Variants in NLRP9 observed in about 807,000 individuals in gnomAD.
The protein encoded by NLRP9 is NLR family pyrin domain containing 9, also known as NACHT, LRR and PYD domains-containing protein 9.
Under a neutral mutation model 83.1 loss-of-function variants are expected in NLRP9, and 88 were observed. The ratio of observed to expected loss-of-function variants is 1.06; its 90% CI spans 0.89 to 1.26. The LOEUF (loss-of-function observed/expected upper bound fraction) is 1.26. NLRP9 is among the 50% of genes most tolerant of loss of function. The pLI is 0.00. For missense variants in NLRP9, 1,308 were observed against 1,179.3 expected, an observed-to-expected ratio of 1.11 and a Z score of -1.60; for synonymous variants, 521 against 447.6, an observed-to-expected ratio of 1.16 and a Z score of -2.07.
chr19:55,725,749 G>A (rs191335617), intron 3 of NLRP9, among the ~76,000 whole-genome samples: 16 of 152,290 alleles, frequency 1.1e-4, no homozygotes, highest in African/African-American at 2.6e-4. Flanking sequence ...AACCCAGGCC[G>A]GGCGCGGTGG....
In NLRP9 at chr19:55,732,699, C is replaced by T; in HGVS notation, c.1132G>A (p.Ala378Thr). 6.2e-7 allele frequency: 1 copy of T among 1,614,128 alleles called. No individual in the cohort carries two copies. Among genetic ancestry groups the T allele is most frequent in the Non-Finnish European group, 8.5e-7 (1 of 1,180,036 alleles). Reference sequence around the variant, plus strand: ...TTAGGTGGAAAACTCTGACTTCCTGCTTTGAATACAGTTGTTAAAAAGGAT... The same window carrying T: ...TTAGGTGGAAAACTCTGACTTCCTGTTTTGAATACAGTTGTTAAAAAGGAT... ...YASFLTTVFK[A>T]GSQSFPPKVN... is the part of the protein sequence containing the mutation. Residue 378 changes from alanine (A) to threonine (T), a missense_variant, in exon 2 of 9, where the codon GCA becomes ACA. Transcript: ENST00000332836.
chr19:55,738,041 C>T, intron 1 of NLRP9, 54 bp downstream of exon 1: 1 of 1,531,740 alleles, frequency 6.5e-7, no homozygotes, highest in South Asian at 1.1e-5. Flanking sequence ...ACAATGCTAT[C>T]ACCTTGTTCC....
At chr19:55,713,315 T>TAGGAC (rs1555793976) in intron 6 of NLRP9, among the ~76,000 whole-genome samples, 19 of 151,666 alleles carry the variant, frequency 1.3e-4, no homozygotes, top group South Asian at 2.1e-4. Flanking sequence ...AAATGGTAGA[T>TAGGAC]AGAGGACAGA....
intron 4 of NLRP9, among the ~76,000 whole-genome samples, chr19:55,720,596 C>T (rs888425549): frequency 1.4e-4 from 22 of 152,170 alleles, no homozygotes; most frequent in African/African-American, 3.9e-4. Flanking sequence ...TCCCAAACTG[C>T]TGGGATCACA....
intron 3 of NLRP9, among the ~76,000 whole-genome samples, chr19:55,724,841 T>A (rs1280697628): frequency 6.6e-6 from 1 of 152,106 alleles, no homozygotes; most frequent in Admixed American, 6.5e-5. Flanking sequence ...GCAGATCACA[T>A]GAGGTCAGGA....
At position 55,729,997 on chromosome 19, in the gene NLRP9, G is replaced by C; in HGVS notation, c.1833-5C>G. On this transcript the variant is annotated splice_polypyrimidine_tract_variant and splice_region_variant and intron_variant, in intron 2 of 8. Transcript: ENST00000332836. Reference sequence around the variant, plus strand: ...TAGACGAGCTTCTCATTGTAACTATGAGAGAACAAAGATTGTGATTCTCCA... The same window carrying C: ...TAGACGAGCTTCTCATTGTAACTATCAGAGAACAAAGATTGTGATTCTCCA... 1 of 1,609,646 alleles carries C rather than the reference G, an allele frequency of 6.2e-7. No homozygotes were observed. The highest frequency in any genetic ancestry group is 8.5e-7 in the Non-Finnish European group (1 of 1,177,972).
chr19:55,735,781 G>A (rs1039157390), intron 1 of NLRP9, among the ~76,000 whole-genome samples: 12 of 151,924 alleles, frequency 7.9e-5, no homozygotes, highest in African/African-American at 2.4e-4. Context: ...TCCACCTCCC[G>A]GGTTCTAGTG....
intron 8 of NLRP9, 126 bp downstream of exon 8, chr19:55,711,674 C>G (rs1450937896): frequency 3.1e-6 from 3 of 957,592 alleles, no homozygotes; most frequent in Non-Finnish European, 3.2e-6. Context: ...AACAGGGGCC[C>G]AAGGACAGGC....
At chr19:55,719,462 G>A (rs1187354168) in intron 4 of NLRP9, among the ~76,000 whole-genome samples, 2 of 152,178 alleles carry the variant, frequency 1.3e-5, no homozygotes, top group Non-Finnish European at 2.9e-5. Context: ...CCGGCCCCTG[G>A]CCACCTTCAG....
At chr19:55,724,607 A>G (rs1384392537) in intron 3 of NLRP9, among the ~76,000 whole-genome samples, 2 of 152,100 alleles carry the variant, frequency 1.3e-5, no homozygotes, top group Non-Finnish European at 2.9e-5. Context: ...TTTTTTAATA[A>G]AAGAGACAAT....
intron 5 of NLRP9, 33 bp downstream of exon 5, chr19:55,716,695 A>T (rs1988027013): frequency 6.3e-7 from 1 of 1,593,724 alleles, no homozygotes; most frequent in Non-Finnish European, 8.6e-7. Context: ...CGCTTCAGAA[A>T]TCTCCGAACG....
At chr19:55,727,017 T>C (rs1176566259) in intron 3 of NLRP9, among the ~76,000 whole-genome samples, 2 of 151,616 alleles carry the variant, frequency 1.3e-5, no homozygotes, top group African/African-American at 4.8e-5. Flanking sequence ...AGTTGGGAGG[T>C]CAAGGCAGGT....
chr19:55,712,614 A>G (rs753033183), intron 6 of NLRP9, 24 bp from the exon 7 acceptor site: 4 of 1,606,724 alleles, frequency 2.5e-6, no homozygotes, highest in Non-Finnish European at 8.5e-7. Flanking sequence ...AGACACACAA[A>G]TACGTACACT....
chr19:55,736,859 A>G (rs928739334), intron 1 of NLRP9, among the ~76,000 whole-genome samples: 1 of 151,994 alleles, frequency 6.6e-6, no homozygotes, highest in Non-Finnish European at 1.5e-5. Flanking sequence ...AAACAAAAAA[A>G]AAAACAAAAA....
intron 1 of NLRP9, among the ~76,000 whole-genome samples, chr19:55,734,608 C>CAT (rs1988728443): frequency 3.1e-5 from 3 of 98,234 alleles, no homozygotes; most frequent in East Asian, 2.6e-4. Context: ...TACACATACA[C>CAT]ACACACACAC....
In NLRP9 at chr19:55,733,058, C is replaced by G. The variant is rs1568604129; in HGVS notation, c.773G>C (p.Ser258Thr). 1.2e-6 allele frequency: 2 copies of G among 1,613,836 alleles called. No homozygotes were observed. The highest frequency in any genetic ancestry group is 1.7e-6 in the Non-Finnish European group (2 of 1,179,928). ...AAGCATCTTTTTTTGCAACAAACTG[C>G]TCAGGATAATTGGCATTGGCTGCCG... ...RQRQPMPIIL[S>T]SLLQKKMLPE... The change falls in exon 2 of 9, where the codon AGC (serine) becomes ACC (threonine). Residue 258 changes from serine to threonine, a missense_variant. Transcript: ENST00000332836.
intron 1 of NLRP9, among the ~76,000 whole-genome samples, chr19:55,733,763 G>A (rs2122335818): frequency 6.6e-6 from 1 of 152,182 alleles, no homozygotes; most frequent in South Asian, 2.1e-4. Flanking sequence ...AGGAACACAG[G>A]CTTGAAGTCT....
intron 1 of NLRP9, among the ~76,000 whole-genome samples, chr19:55,734,633 ATATATTTT>A (rs1338122779): frequency 1.0e-5 from 1 of 96,886 alleles, no homozygotes; most frequent in African/African-American, 3.8e-5. Context: ...ATATATATAT[ATATATTTT>A]TTTTTTTTTT....
At chr19:55,726,447 C>T (rs1033725235) in intron 3 of NLRP9, among the ~76,000 whole-genome samples, 1 of 152,260 alleles carries the variant, frequency 6.6e-6, no homozygotes, top group Admixed American at 6.5e-5. Flanking sequence ...TGGGCTCATT[C>T]CTTCAACTTT....
Sources: gnomAD v4.1 joint callset for allele counts (sites outside exome capture counted in the v4.1 genomes callset) on GRCh38, gnomAD v4.1.1 for gene constraint, MANE v1.5 for transcripts, NCBI Gene and HGNC (gene_info 2026-07-23, HGNC 2026-07-21) for gene names.